The following KLHL1 variants were observed in gnomAD, a reference collection of about 807,000 sequenced individuals.
KLHL1 encodes kelch like family member 1.
In KLHL1, 47 loss-of-function variants were observed where a neutral mutation model predicts 77.7. The observed-to-expected ratio is 0.60, with a 90% CI of 0.48 to 0.77. The LOEUF (loss-of-function observed/expected upper bound fraction) is 0.77. Among genes scored for constraint, KLHL1 ranks in the 30% least tolerant of loss-of-function variants. KLHL1 has a pLI of 0.00. For synonymous variants in KLHL1, 360 were observed against 325.2 expected, an observed-to-expected ratio of 1.11 and a Z score of -1.15; for missense variants, 925 against 910.8, an observed-to-expected ratio of 1.02 and a Z score of -0.20.
At chr13:69,797,810 C>T (rs532573903) in intron 6 of KLHL1, among the ~76,000 whole-genome samples, 82 of 140,816 alleles carry the variant, frequency 5.8e-4, no homozygotes, top group Admixed American at 1.2e-3. Context: ...GCCTGGGTGA[C>T]AGAGCGAGAC....
chr13:70,040,500 T>G (rs1254574591), intron 1 of KLHL1, among the ~76,000 whole-genome samples: 2 of 152,164 alleles, frequency 1.3e-5, no homozygotes, highest in African/African-American at 4.8e-5. Context: ...GGGATCACAG[T>G]TCTCTCTTTA....
At chr13:69,729,401 T>C (rs1873443885) in intron 8 of KLHL1, among the ~76,000 whole-genome samples, 1 of 152,130 alleles carries the variant, frequency 6.6e-6, no homozygotes, top group African/African-American at 2.4e-5. Context: ...AAACTTAAGA[T>C]AAGTGTTCAT....
intron 1 of KLHL1, among the ~76,000 whole-genome samples, chr13:70,099,525 T>A (rs1201134685): frequency 6.6e-6 from 1 of 152,004 alleles, no homozygotes; most frequent in Admixed American, 6.6e-5. Flanking sequence ...GTATAATGGA[T>A]GACTCCTTGG....
chr13:69,777,186 C>A (rs1256888984), intron 7 of KLHL1, among the ~76,000 whole-genome samples: 1 of 152,082 alleles, frequency 6.6e-6, no homozygotes, highest in Non-Finnish European at 1.5e-5. Context: ...GCTCCTCCTT[C>A]ACCTTCCACC....
At chr13:70,021,232 T>C (rs956154011) in intron 1 of KLHL1, among the ~76,000 whole-genome samples, 1 of 152,084 alleles carries the variant, frequency 6.6e-6, no homozygotes, top group Admixed American at 6.6e-5. Flanking sequence ...TTTCCATAGT[T>C]TTGCCTTTTC....
At chr13:69,844,959 A>G (rs918903176) in intron 5 of KLHL1, among the ~76,000 whole-genome samples, 3 of 151,702 alleles carry the variant, frequency 2.0e-5, no homozygotes, top group Non-Finnish European at 4.4e-5. Context: ...TATTCGATCC[A>G]GGAAATATTT....
chr13:69,910,441 G>A (rs1449092588), intron 4 of KLHL1, among the ~76,000 whole-genome samples: 1 of 151,944 alleles, frequency 6.6e-6, no homozygotes, highest in Admixed American at 6.6e-5. Context: ...ATTAGGAAAG[G>A]CAACAAGGGT....
chr13:69,946,539 G>T (rs1300929640), intron 3 of KLHL1, among the ~76,000 whole-genome samples: 1 of 151,866 alleles, frequency 6.6e-6, no homozygotes, highest in Non-Finnish European at 1.5e-5. Flanking sequence ...TTGAGACAAG[G>T]TCTTATTCTG....
At chr13:69,710,651 A>G (rs1161697944) in intron 9 of KLHL1, among the ~76,000 whole-genome samples, 1 of 152,124 alleles carries the variant, frequency 6.6e-6, no homozygotes, top group Non-Finnish European at 1.5e-5. Flanking sequence ...TGGGACATAC[A>G]AAGTTATTAT....
At chr13:69,918,554 T>C (rs1882522349) in intron 4 of KLHL1, among the ~76,000 whole-genome samples, 1 of 151,878 alleles carries the variant, frequency 6.6e-6, no homozygotes, top group Non-Finnish European at 1.5e-5. Flanking sequence ...CACTTCCTAA[T>C]GGGATATCTT....
intron 3 of KLHL1, among the ~76,000 whole-genome samples, chr13:69,954,654 T>C (rs2137259473): frequency 6.6e-6 from 1 of 151,408 alleles, no homozygotes; most frequent in East Asian, 1.9e-4. Flanking sequence ...AGTCTCTCTA[T>C]TAAGCCCCAT....
chr13:69,740,654 A>G, intron 7 of KLHL1, 98 bp from the exon 8 acceptor site: 1 of 797,814 alleles, frequency 1.3e-6, no homozygotes, highest in Non-Finnish European at 1.8e-6. Context: ...AAGTGTCCCT[A>G]ACATAATAAA....
At chr13:69,926,268 A>G (rs1286887900) in intron 4 of KLHL1, among the ~76,000 whole-genome samples, 2 of 152,216 alleles carry the variant, frequency 1.3e-5, no homozygotes, top group Admixed American at 1.3e-4. Context: ...AGTGCAACTG[A>G]TGGGAAATTC....
chr13:69,931,715 A>T (rs1883009524), intron 4 of KLHL1, among the ~76,000 whole-genome samples: 1 of 151,760 alleles, frequency 6.6e-6, no homozygotes, highest in African/African-American at 2.4e-5. Flanking sequence ...TAAGGATACC[A>T]TTTATTTGAA....
chr13:69,891,675 T>A (rs563098724), intron 4 of KLHL1, among the ~76,000 whole-genome samples: 1 of 152,166 alleles, frequency 6.6e-6, no homozygotes, highest in Middle Eastern at 3.4e-3. Flanking sequence ...TTAATAAACA[T>A]TTTGCTGGTT....
In KLHL1 at chr13:70,107,223, T is replaced by C. The variant is rs141102820; in HGVS notation, c.477A>G (p.Thr159=). Residue 159 remains threonine (T), a synonymous_variant, in exon 1 of 11, where the codon ACA becomes ACG. Transcript: ENST00000377844. ...KVEPDNSSQA[T]GEGCGHRLSS... is the part of the protein sequence containing the mutation. ...TGTACCTGTGTCCACATCCTTCACCTGTTGCCTGGCTAGAGTTGTCTGGCT... is the reference window on the plus strand; with the variant it reads ...TGTACCTGTGTCCACATCCTTCACCCGTTGCCTGGCTAGAGTTGTCTGGCT... 8 of 1,611,934 alleles carry C rather than the reference T, an allele frequency of 5.0e-6. No individual in the cohort carries two copies. The African/African-American group carries it at 1.1e-4, about 22-fold the overall frequency.
At chr13:69,797,554 C>T (rs767182016) in intron 6 of KLHL1, among the ~76,000 whole-genome samples, 7 of 151,914 alleles carry the variant, frequency 4.6e-5, no homozygotes, top group Non-Finnish European at 7.4e-5. Flanking sequence ...CAATGGCTCA[C>T]GCCTGTGATC....
intron 4 of KLHL1, among the ~76,000 whole-genome samples, chr13:69,936,092 T>G (rs1883180020): frequency 6.6e-6 from 1 of 152,184 alleles, no homozygotes; most frequent in Non-Finnish European, 1.5e-5. Flanking sequence ...AGATATTTCT[T>G]GGGCATGAAT....
chr13:70,007,345 C>T (rs1885429889), intron 1 of KLHL1, among the ~76,000 whole-genome samples: 1 of 151,656 alleles, frequency 6.6e-6, no homozygotes, highest in African/African-American at 2.4e-5. Context: ...AGCAATTGCT[C>T]ATACACACAA....
Sources: allele counts gnomAD v4.1 joint callset (sites outside exome capture counted in the v4.1 genomes callset), GRCh38; gene constraint gnomAD v4.1.1; transcripts MANE v1.5; gene names NCBI Gene and HGNC (gene_info 2026-07-23, HGNC 2026-07-21).